Variants in VPS13D observed in about 807,000 individuals in gnomAD.
VPS13D encodes intermembrane lipid transfer protein VPS13D.
Under a neutral mutation model 461.9 loss-of-function variants are expected in VPS13D, and 187 were observed. That is an observed-to-expected ratio of 0.40 (90% CI 0.36 to 0.46). The LOEUF (loss-of-function observed/expected upper bound fraction) is 0.46, where lower values mean the gene tolerates loss of function less well. Ranked by LOEUF, VPS13D falls within the 20% of genes least tolerant of loss-of-function variation. The pLI is 0.60. For synonymous variants in VPS13D, 1,951 were observed against 1,986.3 expected (o/e 0.98, Z 0.47); for missense variants, 4,711 against 5,364.9 (o/e 0.88, Z 3.81).
intron 68 of VPS13D, chr1:12,499,849 T>A: frequency 1.0e-6 from 1 of 985,380 alleles, no homozygotes; most frequent in Non-Finnish European, 1.2e-6. Flanking sequence ...ATTACACTCA[T>A]CACTCTGCAA....
intron 2 of VPS13D, among the ~76,000 whole-genome samples, chr1:12,236,839 A>G (rs913780656): frequency 2.6e-5 from 4 of 152,198 alleles, no homozygotes; most frequent in Non-Finnish European, 5.9e-5. Context: ...TGGGTAGGTT[A>G]TCAGTTTCTT....
chr1:12,312,042 G>GATACGGC, intron 29 of VPS13D, 117 bp downstream of exon 29: 25 of 676,320 alleles, frequency 3.7e-5, no homozygotes, highest in Middle Eastern at 4.4e-4. Flanking sequence ...AATGTTGTCT[G>GATACGGC]CAGAGTGTCT....
In VPS13D at chr1:12,400,962, G is replaced by GCGCA. The variant is rs1253464149; in HGVS notation, c.11784+633_11784+634insGCAC. On this transcript the variant is annotated intron_variant, in intron 61 of 69. Coordinates refer to ENST00000620676, the MANE Select transcript of VPS13D (RefSeq NM_015378.4). Reference sequence around the variant, plus strand: ...GAGTGAGATGTGCACCTGCGCGCGCGCACACACACACACACACACACACAC... The same window carrying GCGCA: ...GAGTGAGATGTGCACCTGCGCGCGCGCGCACACACACACACACACACACACACAC... Among the ~76,000 whole-genome samples, 414 of 106,288 alleles carry GCGCA rather than the reference G, an allele frequency of 3.9e-3. 1 individual carries two copies. The highest frequency in any genetic ancestry group is 7.5e-3 in the Admixed American group (83 of 11,090). 69.7% of individuals were successfully genotyped at this position (106,288 alleles called of 152,430 possible).
chr1:12,314,351 G>C (rs745524959), intron 30 of VPS13D, 24 bp downstream of exon 30: 3 of 1,595,270 alleles, frequency 1.9e-6, no homozygotes, highest in South Asian at 2.2e-5. Context: ...ACCCTTCTCT[G>C]CCTTTCTTTG....
chr1:12,428,172 G>A (rs1644945846), intron 65 of VPS13D, among the ~76,000 whole-genome samples: 1 of 152,220 alleles, frequency 6.6e-6, no homozygotes, highest in Non-Finnish European at 1.5e-5. Context: ...CTAGAAGCGG[G>A]TGAGAGTCTG....
intron 58 of VPS13D, among the ~76,000 whole-genome samples, chr1:12,384,809 T>C (rs1644329658): frequency 6.6e-6 from 1 of 152,088 alleles, no homozygotes; most frequent in South Asian, 2.1e-4. Flanking sequence ...TTTGTGGAGA[T>C]AGGGTCTCGC....
chr1:12,458,070 G>C (rs1403865301), intron 66 of VPS13D, among the ~76,000 whole-genome samples: 2 of 152,196 alleles, frequency 1.3e-5, no homozygotes, highest in Non-Finnish European at 2.9e-5. Context: ...CTGAGAAAAT[G>C]CATGATTGGT....
At chr1:12,438,319 T>A (rs1645087605) in intron 65 of VPS13D, among the ~76,000 whole-genome samples, 1 of 152,070 alleles carries the variant, frequency 6.6e-6, no homozygotes, top group Non-Finnish European at 1.5e-5. Flanking sequence ...CCGTGTGAGG[T>A]TACAGTGAAA....
In VPS13D at chr1:12,286,438, T is replaced by C. The variant is rs148645502; in HGVS notation, c.5635-1785T>C. On this transcript the variant is annotated intron_variant, in intron 21 of 69. Transcript: ENST00000620676. Reference sequence around the variant, plus strand: ...AGGTTCCATGTTACATTTGCTGTCATGTCTTTTAAATCTCTTTTAATTATA... The same window carrying C: ...AGGTTCCATGTTACATTTGCTGTCACGTCTTTTAAATCTCTTTTAATTATA... Among the ~76,000 whole-genome samples the C allele has an allele frequency of 2.1e-3, 322 of 152,340 alleles. 2 individuals are homozygous for C. Among genetic ancestry groups the C allele is most frequent in the African/African-American group, 7.2e-3 (301 of 41,586 alleles).
At chr1:12,354,586 A>G (rs530672183) in intron 47 of VPS13D, among the ~76,000 whole-genome samples, 10 of 152,224 alleles carry the variant, frequency 6.6e-5, no homozygotes, top group Non-Finnish European at 1.5e-4. Flanking sequence ...TCAAGCCGAA[A>G]GGTTTACAGA....
At chr1:12,366,885 A>T (rs1644043133) in intron 52 of VPS13D, among the ~76,000 whole-genome samples, 1 of 152,228 alleles carries the variant, frequency 6.6e-6, no homozygotes, top group South Asian at 2.1e-4. Context: ...TAAAGTCATC[A>T]TGATACTTAA....
In VPS13D at chr1:12,279,132, G is replaced by A. The variant is rs1236317064; in HGVS notation, c.4451-367G>A. 6.6e-6 allele frequency among the ~76,000 whole-genome samples: 1 copy of A among 152,186 alleles called. No individual in the cohort carries two copies. Among genetic ancestry groups the A allele is most frequent in the African/African-American group, 2.4e-5 (1 of 41,464 alleles). On this transcript the variant is annotated intron_variant, in intron 19 of 69. Transcript: ENST00000620676. This position sits in a 1 kb window ranked among gnomAD's most constrained non-coding sequence, Gnocchi z 4.3. ...AAGAGGGATACATCTGTATCTGAAA[G>A]CTAGGTAAGGATGAATAATTCGGTT...
intron 54 of VPS13D, among the ~76,000 whole-genome samples, chr1:12,372,168 T>TG (rs1473693768): frequency 6.6e-6 from 1 of 152,094 alleles, no homozygotes; most frequent in Non-Finnish European, 1.5e-5. Context: ...GTCCTCCTGC[T>TG]TCAGCCTCTC....
At chr1:12,438,891 A>G (rs1326271280) in intron 65 of VPS13D, among the ~76,000 whole-genome samples, 2 of 152,136 alleles carry the variant, frequency 1.3e-5, no homozygotes, top group Admixed American at 1.3e-4. Context: ...CAGTTGCTCA[A>G]ATACTTTGGA....
chr1:12,311,966 TCCA>T, intron 29 of VPS13D, 41 bp downstream of exon 29: 4 of 1,520,994 alleles, frequency 2.6e-6, no homozygotes, highest in South Asian at 1.2e-5. Context: ...AGTAACAGTA[TCCA>T]AATAATACAC....
In VPS13D at chr1:12,385,314, C is replaced by A; in HGVS notation, c.11425C>A (p.Pro3809Thr). 1 of 1,613,982 alleles carries A rather than the reference C, an allele frequency of 6.2e-7. No homozygotes were observed. The change falls in exon 59 of 70, where the codon CCT becomes ACT. Residue 3809 changes from proline (P) to threonine (T), a missense_variant. This residue lies in a region of VPS13D where 4,411 missense variants were observed against 4,937.8 expected (regional missense o/e 0.89). Transcript: ENST00000620676. Reference sequence around the variant, plus strand: ...CCGTTCATATGAAGTGGATGAACTTCCTGTCACCGAACAAGAGCTGCAGAA... The same window carrying A: ...CCGTTCATATGAAGTGGATGAACTTACTGTCACCGAACAAGAGCTGCAGAA... ...SSRSYEVDEL[P>T]VTEQELQKLK...
At chr1:12,362,978 C>T (rs1643973074) in intron 51 of VPS13D, 94 bp from the exon 52 acceptor site, 2 of 1,578,872 alleles carry the variant, frequency 1.3e-6, no homozygotes, top group African/African-American at 1.3e-5. Context: ...CCAGATAGCT[C>T]CTGTTAGAGG....
chr1:12,506,910 T>G lies in VPS13D; in HGVS notation c.12852T>G (p.Val4284=). 6.2e-7 allele frequency: 1 copy of G among 1,614,258 alleles called. No individual in the cohort carries two copies. Among genetic ancestry groups the G allele is most frequent in the Non-Finnish European group, 8.5e-7 (1 of 1,180,046 alleles). ...SYCVLISSKA[V]YFLKSGDYVD... ...GCGTGCTCATCTCCTCCAAAGCTGTTTACTTCCTGAAAAGTGGAGACTACG... is the reference window on the plus strand; with the variant it reads ...GCGTGCTCATCTCCTCCAAAGCTGTGTACTTCCTGAAAAGTGGAGACTACG... The change falls in exon 69 of 70, where the codon GTT becomes GTG. Residue 4284 remains valine (V), a synonymous_variant. Coordinates refer to ENST00000620676, the MANE Select transcript of VPS13D (RefSeq NM_015378.4).
intron 55 of VPS13D, among the ~76,000 whole-genome samples, chr1:12,376,156 G>A (rs1320100302): frequency 6.6e-6 from 1 of 152,220 alleles, no homozygotes; most frequent in African/African-American, 2.4e-5. Flanking sequence ...GCTGTGCAGA[G>A]ATGCTTTCTG....
Sources: gnomAD v4.1 joint callset for allele counts (sites outside exome capture counted in the v4.1 genomes callset) on GRCh38, gnomAD v4.1.1 for gene constraint, gnomAD v4.1.1 regional missense constraint, Gnocchi (gnomAD v3.1) non-coding constraint, MANE v1.5 for transcripts, NCBI Gene and HGNC (gene_info 2026-07-23, HGNC 2026-07-21) for gene names.